NKAIN2: variants seen among roughly 807,000 people sequenced by gnomAD.
NKAIN2 encodes sodium/potassium transporting ATPase interacting 2.
Under a neutral mutation model 32.6 loss-of-function variants are expected in NKAIN2, and 14 were observed. The observed-to-expected ratio is 0.43, with a 90% CI of 0.28 to 0.67. The LOEUF is 0.67. Ranked by LOEUF, NKAIN2 falls within the 30% of genes least tolerant of loss-of-function variation. NKAIN2 has a pLI of 0.17. For missense variants in NKAIN2, 198 were observed against 258.3 expected (o/e 0.77, Z 1.60); for synonymous variants, 80 against 87.2 (o/e 0.92, Z 0.46).
chr6:124,115,211 A>T, intron 1 of NKAIN2, among the ~76,000 whole-genome samples: 1 of 152,166 alleles, frequency 6.6e-6, no homozygotes, highest in East Asian at 1.9e-4. Flanking sequence ...TGAACTTAGT[A>T]AAGCTTTGCC....
chr6:123,953,884 G>C (rs1777440271), intron 1 of NKAIN2, among the ~76,000 whole-genome samples: 1 of 152,182 alleles, frequency 6.6e-6, no homozygotes, highest in Non-Finnish European at 1.5e-5. Flanking sequence ...GGCAGCAGGA[G>C]TATACAGGTG....
chr6:124,065,912 T>G (rs938151616), intron 1 of NKAIN2, among the ~76,000 whole-genome samples: 1 of 152,186 alleles, frequency 6.6e-6, no homozygotes, highest in Non-Finnish European at 1.5e-5. Flanking sequence ...ATCCATAATA[T>G]ATACACACGT....
At chr6:124,233,393 A>G (rs930056908) in intron 1 of NKAIN2, among the ~76,000 whole-genome samples, 1 of 152,144 alleles carries the variant, frequency 6.6e-6, no homozygotes, top group African/African-American at 2.4e-5. Flanking sequence ...GCTCTTTCCC[A>G]CCTGTGTATC....
intron 2 of NKAIN2, among the ~76,000 whole-genome samples, chr6:124,353,954 G>A (rs897159906): frequency 2.0e-5 from 3 of 152,114 alleles, no homozygotes; most frequent in Non-Finnish European, 2.9e-5. Context: ...ACCTAGAAAG[G>A]TTGGGAGCCA....
chr6:124,335,467 T>G (rs1797826199), intron 2 of NKAIN2, among the ~76,000 whole-genome samples: 1 of 152,192 alleles, frequency 6.6e-6, no homozygotes, highest in Non-Finnish European at 1.5e-5. Context: ...GTTTACATGA[T>G]TCTTAGAATT....
intron 3 of NKAIN2, among the ~76,000 whole-genome samples, chr6:124,443,793 T>C (rs1775786526): frequency 6.6e-6 from 1 of 152,096 alleles, no homozygotes; most frequent in African/African-American, 2.4e-5. Context: ...ACTAGGTAAA[T>C]GATCATAGCT....
intron 4 of NKAIN2, among the ~76,000 whole-genome samples, chr6:124,664,034 G>A (rs1043034318): frequency 6.6e-6 from 1 of 152,066 alleles, no homozygotes; most frequent in Non-Finnish European, 1.5e-5. Flanking sequence ...CAGCACATTG[G>A]GAGGCTGAGG....
At chr6:124,485,402 C>G (rs1777611731) in intron 3 of NKAIN2, among the ~76,000 whole-genome samples, 1 of 152,116 alleles carries the variant, frequency 6.6e-6, no homozygotes, top group Non-Finnish European at 1.5e-5. Flanking sequence ...CACCTTCCTC[C>G]TCTTCCTTCC....
intron 2 of NKAIN2, among the ~76,000 whole-genome samples, chr6:124,294,742 C>T (rs570118649): frequency 3.7e-4 from 57 of 152,174 alleles, no homozygotes; most frequent in Non-Finnish European, 6.9e-4. Context: ...CTGGTCATCT[C>T]TGTGTTGTAT....
intron 4 of NKAIN2, among the ~76,000 whole-genome samples, chr6:124,686,000 C>T (rs950183089): frequency 2.0e-5 from 3 of 152,142 alleles, no homozygotes; most frequent in African/African-American, 7.2e-5. Flanking sequence ...TCAGCTGAGG[C>T]TTGGCTGGGG....
chr6:124,224,687 G>T (rs1792014592), intron 1 of NKAIN2, among the ~76,000 whole-genome samples: 2 of 151,934 alleles, frequency 1.3e-5, no homozygotes, highest in Admixed American at 6.6e-5. Flanking sequence ...GTCATAAAAA[G>T]GTTTTAAGAA....
intron 1 of NKAIN2, among the ~76,000 whole-genome samples, chr6:123,806,767 C>T (rs913698009): frequency 5.3e-5 from 8 of 151,696 alleles, no homozygotes; most frequent in African/African-American, 1.5e-4. Context: ...GGTAACTGTA[C>T]AGGAAAAAAG....
chr6:124,746,645 T>G (rs2114701040), intron 4 of NKAIN2, among the ~76,000 whole-genome samples: 2 of 152,026 alleles, frequency 1.3e-5, no homozygotes, highest in South Asian at 4.1e-4. Context: ...TATCTCTGAA[T>G]TGTGGAATTA....
chr6:124,289,122 TAA>T (rs1451452220), intron 2 of NKAIN2, among the ~76,000 whole-genome samples: 1 of 152,246 alleles, frequency 6.6e-6, no homozygotes, highest in Non-Finnish European at 1.5e-5. Context: ...ACTGTCATAA[TAA>T]CCCTGCTTAC....
At chr6:123,899,629 G>A (rs1051745771) in intron 1 of NKAIN2, among the ~76,000 whole-genome samples, 2 of 152,144 alleles carry the variant, frequency 1.3e-5, no homozygotes, top group African/African-American at 2.4e-5. Context: ...AGGTCAAATC[G>A]ATCTCAAGTT....
At chr6:124,796,318 C>T (rs1372495497) in intron 5 of NKAIN2, among the ~76,000 whole-genome samples, 1 of 152,162 alleles carries the variant, frequency 6.6e-6, no homozygotes, top group African/African-American at 2.4e-5. Flanking sequence ...GGGCCCTATC[C>T]TTATGACCCC....
At chr6:124,561,458 C>G (rs1406031341) in intron 3 of NKAIN2, among the ~76,000 whole-genome samples, 1 of 152,130 alleles carries the variant, frequency 6.6e-6, no homozygotes, top group African/African-American at 2.4e-5. Context: ...AAATTGCAAT[C>G]TGGTCTGTGG....
At chr6:124,327,014 T>A (rs1797444328) in intron 2 of NKAIN2, among the ~76,000 whole-genome samples, 1 of 152,060 alleles carries the variant, frequency 6.6e-6, no homozygotes, top group Non-Finnish European at 1.5e-5. Context: ...TAGGAGTGAG[T>A]TTTATTTACA....
At chr6:124,287,960 C>CCT (rs1554277857) in intron 2 of NKAIN2, among the ~76,000 whole-genome samples, 7 of 151,670 alleles carry the variant, frequency 4.6e-5, no homozygotes, top group African/African-American at 1.7e-4. Flanking sequence ...TTTCTCCCCC[C>CCT]CTCTCCCTTT....
Sources: gnomAD v4.1 joint callset for allele counts (sites outside exome capture counted in the v4.1 genomes callset) on GRCh38, gnomAD v4.1.1 for gene constraint, MANE v1.5 for transcripts, NCBI Gene and HGNC (gene_info 2026-07-23, HGNC 2026-07-21) for gene names.